The following MCTP2 variants were observed in gnomAD, a reference collection of about 807,000 sequenced individuals.
MCTP2 encodes the protein multiple C2 and transmembrane domain containing 2.
A neutral mutation model predicts 111.6 loss-of-function variants in MCTP2; 132 were observed. That is an observed-to-expected ratio of 1.18 (90% CI 1.03 to 1.37). MCTP2 has a LOEUF of 1.37. Ranked by LOEUF, MCTP2 falls within the 40% of genes most tolerant of loss-of-function variation. The pLI, the probability that MCTP2 is intolerant of heterozygous loss-of-function variation, is 0.00. For missense variants in MCTP2, 1,183 were observed against 1,067.9 expected, an observed-to-expected ratio of 1.11 and a Z score of -1.50; for synonymous variants, 395 against 387.7, an observed-to-expected ratio of 1.02 and a Z score of -0.22.
Position 94,395,171 on chromosome 15 carries a change from C to T in MCTP2, c.1789-3790C>T, listed in dbSNP as rs115901945. Among the ~76,000 whole-genome samples, 1,204 of 152,304 alleles carry T rather than the reference C, an allele frequency of 7.9e-3. 10 individuals carry two copies. Among genetic ancestry groups the T allele is most frequent in the African/African-American group, 0.022 (910 of 41,570 alleles). ...TCTTGCCCAGCCACATGTCTGTCCT[C>T]GTCACATTTTATTGGAGAGCCACTT... On this transcript the variant is annotated intron_variant, in intron 14 of 22. Coordinates refer to ENST00000357742, the MANE Select transcript of MCTP2 (RefSeq NM_001385001.1).
chr15:94,303,092 T>TTATA (rs367778742), intron 2 of MCTP2, among the ~76,000 whole-genome samples: 3,184 of 20,912 alleles, frequency 0.15, 82 homozygotes, highest in African/African-American at 0.22. Context: ...TATATATAGT[T>TTATA]TATATAGTTT....
intron 2 of MCTP2, among the ~76,000 whole-genome samples, chr15:94,303,465 C>G (rs143600710): frequency 0.05 from 7,642 of 152,060 alleles, 625 homozygotes; most frequent in African/African-American, 0.17. Flanking sequence ...CCCACTGACT[C>G]AAATGTTAAT....
intron 1 of MCTP2, among the ~76,000 whole-genome samples, chr15:94,280,954 AT>A: frequency 6.6e-6 from 1 of 152,028 alleles, no homozygotes; most frequent in South Asian, 2.1e-4. Context: ...GTTAGTATAT[AT>A]TTTTTAACTT....
At chr15:94,435,074 AG>A (rs1283708058) in intron 17 of MCTP2, among the ~76,000 whole-genome samples, 1 of 152,018 alleles carries the variant, frequency 6.6e-6, no homozygotes, top group Admixed American at 6.5e-5. Flanking sequence ...ATGTTGGCCA[AG>A]GCTGGTCCCA....
intron 17 of MCTP2, among the ~76,000 whole-genome samples, chr15:94,422,317 G>A (rs1311553009): frequency 2.6e-5 from 4 of 152,094 alleles, no homozygotes; most frequent in Non-Finnish European, 2.9e-5. Flanking sequence ...AGGGTTGTGC[G>A]GGACTCAGAA....
In MCTP2 at chr15:94,352,020, A is replaced by G. The variant is rs16948988; in HGVS notation, c.1006-4117A>G. On this transcript the variant is annotated intron_variant, in intron 8 of 22. Coordinates refer to ENST00000357742, the MANE Select transcript of MCTP2 (RefSeq NM_001385001.1). The stretch of plus-strand genomic sequence containing the variant: ...AGTTTCCTCTGCAGCCATGCCAAGG[A>G]AAAGGGATACTGGAATTCACATCAC... 5.8e-3 allele frequency among the ~76,000 whole-genome samples: 884 copies of G among 152,324 alleles called. 8 individuals are homozygous for G. Among genetic ancestry groups the G allele is most frequent in the African/African-American group, 0.02 (851 of 41,560 alleles).
intron 20 of MCTP2, among the ~76,000 whole-genome samples, chr15:94,466,667 C>T (rs1231776233): frequency 3.3e-5 from 5 of 152,088 alleles, no homozygotes; most frequent in East Asian, 1.9e-4. Context: ...ACCATGCAGA[C>T]AACAGAAAGC....
intron 22 of MCTP2, 53 bp downstream of exon 22, chr15:94,476,846 G>A: frequency 5.8e-6 from 6 of 1,031,826 alleles, no homozygotes; most frequent in Admixed American, 5.6e-5. Flanking sequence ...AATCTGGCCA[G>A]CCCCGGAGCC....
chr15:94,243,637 A>C (rs535302021), intron 1 of MCTP2, among the ~76,000 whole-genome samples: 1 of 148,936 alleles, frequency 6.7e-6, no homozygotes, highest in East Asian at 2.0e-4. Context: ...ATATGCGTAT[A>C]TACATATATA....
intron 1 of MCTP2, chr15:94,273,956 AAG>A (rs58901520): frequency 0.2 from 48,154 of 235,198 alleles, 5,180 homozygotes; most frequent in East Asian, 0.29. Context: ...CAAGTTGGAA[AAG>A]AGACAGGCAA....
At chr15:94,413,714 G>A (rs1455839721) in intron 17 of MCTP2, among the ~76,000 whole-genome samples, 3 of 151,930 alleles carry the variant, frequency 2.0e-5, no homozygotes, top group Admixed American at 6.6e-5. Flanking sequence ...TTTCTTGAAA[G>A]CTATTTTATC....
At chr15:94,475,067 C>G (rs573355254) in intron 21 of MCTP2, among the ~76,000 whole-genome samples, 2 of 152,296 alleles carry the variant, frequency 1.3e-5, no homozygotes, top group African/African-American at 4.8e-5. Flanking sequence ...GAAGATATAT[C>G]TGTTCTCAAT....
At chr15:94,365,145 G>A (rs2079118876) in intron 10 of MCTP2, among the ~76,000 whole-genome samples, 1 of 152,162 alleles carries the variant, frequency 6.6e-6, no homozygotes, top group South Asian at 2.1e-4. Flanking sequence ...TTTTAATTTT[G>A]ATTGATATGA....
intron 14 of MCTP2, among the ~76,000 whole-genome samples, chr15:94,391,542 G>A (rs973490464): frequency 5.9e-5 from 9 of 152,166 alleles, no homozygotes; most frequent in African/African-American, 1.7e-4. Flanking sequence ...AGAGAGGGAT[G>A]TATCACCTGG....
chr15:94,390,081 T>TGC (rs2080823162), intron 14 of MCTP2, among the ~76,000 whole-genome samples: 1 of 7,966 alleles, frequency 1.3e-4, no homozygotes, highest in African/African-American at 2.6e-4. Context: ...TATATATATA[T>TGC]ATATATATGT....
intron 1 of MCTP2, among the ~76,000 whole-genome samples, chr15:94,259,131 C>A (rs1006495920): frequency 6.6e-6 from 1 of 152,148 alleles, no homozygotes; most frequent in African/African-American, 2.4e-5. Flanking sequence ...CTGGGGACCC[C>A]CTTCACCCCA....
chr15:94,404,179 G>A (rs7163983), intron 17 of MCTP2, among the ~76,000 whole-genome samples: 2,940 of 151,860 alleles, frequency 0.019, 98 homozygotes, highest in African/African-American at 0.068. Flanking sequence ...ATTAAAAGTT[G>A]TTTTTTTATT....
intron 14 of MCTP2, among the ~76,000 whole-genome samples, chr15:94,398,450 A>G (rs955782821): frequency 3.3e-5 from 5 of 152,188 alleles, no homozygotes; most frequent in Non-Finnish European, 7.4e-5. Flanking sequence ...GAAAAGAACT[A>G]ACATTGTTAC....
intron 1 of MCTP2, among the ~76,000 whole-genome samples, chr15:94,242,930 T>A (rs1002539006): frequency 5.0e-5 from 7 of 141,116 alleles, no homozygotes; most frequent in African/African-American, 1.8e-4. Context: ...CGTACACATA[T>A]ACACGTGTAT....
Sources: allele counts gnomAD v4.1 joint callset (sites outside exome capture counted in the v4.1 genomes callset), GRCh38; gene constraint gnomAD v4.1.1; transcripts MANE v1.5; gene names NCBI Gene and HGNC (gene_info 2026-07-23, HGNC 2026-07-21).